CREB3L2: variants seen among roughly 807,000 people sequenced by gnomAD.
The protein encoded by CREB3L2 is cyclic AMP-responsive element-binding protein 3-like protein 2.
A neutral mutation model predicts 57.2 loss-of-function variants in CREB3L2; 23 were observed. The observed-to-expected ratio is 0.40, with a 90% CI of 0.29 to 0.57. CREB3L2 has a LOEUF of 0.57. CREB3L2 is among the 20% of genes least tolerant of loss of function. The pLI, the probability that CREB3L2 is intolerant of heterozygous loss-of-function variation, is 0.42. For missense variants in CREB3L2, 628 were observed against 634.7 expected (o/e 0.99, Z 0.11); for synonymous variants, 268 against 265.1 (o/e 1.01, Z -0.11).
chr7:137,989,400 G>A (rs1801847154), intron 1 of CREB3L2, among the ~76,000 whole-genome samples: 1 of 148,848 alleles, frequency 6.7e-6, no homozygotes, highest in Non-Finnish European at 1.5e-5. Context: ...CTATTTTGGA[G>A]CCTATGATGG....
intron 8 of CREB3L2, among the ~76,000 whole-genome samples, chr7:137,897,130 T>C (rs1799644524): frequency 6.6e-6 from 1 of 152,080 alleles, no homozygotes; most frequent in Admixed American, 6.6e-5. Context: ...TTATGTGGAG[T>C]GATGGATGTG....
At position 137,911,705 on chromosome 7, in the gene CREB3L2, G is replaced by A. The variant is rs1216266516; in HGVS notation, c.583+1286C>T. On this transcript the variant is annotated intron_variant, in intron 4 of 11. Coordinates refer to ENST00000330387, the MANE Select transcript of CREB3L2 (RefSeq NM_194071.4). ...ATACAAAATTTAGCTGGGCGTGGTG[G>A]TGCATGTCTGCAGTCCCCGCTACTT... 1.9e-4 allele frequency among the ~76,000 whole-genome samples: 29 copies of A among 152,188 alleles called. 1 individual carries two copies. The highest frequency in any genetic ancestry group is 2.9e-5 in the Non-Finnish European group (2 of 68,040).
At position 137,879,336 on chromosome 7, in the gene CREB3L2, G is replaced by T. The variant is rs1398194541; in HGVS notation, c.*1140C>A. 1.9e-6 allele frequency: 1 copy of T among 514,998 alleles called. No individual in the cohort carries two copies. 31.9% of individuals were successfully genotyped at this position (514,998 alleles called of 1,614,324 possible). On this transcript the variant is annotated 3_prime_UTR_variant, in exon 12 of 12. Transcript: ENST00000330387. ...AGGGGACGAGGAGGACAAAGTGGAA[G>T]TGTGGAGGGAGGAGGGGGCCAGGCA...
At chr7:137,983,392 G>C (rs1403565548) in intron 1 of CREB3L2, among the ~76,000 whole-genome samples, 1 of 152,210 alleles carries the variant, frequency 6.6e-6, no homozygotes, top group Admixed American at 6.5e-5. Context: ...AAACTTCAGA[G>C]GAAACGCTGG....
At chr7:137,944,720 C>T (rs936989082) in intron 1 of CREB3L2, among the ~76,000 whole-genome samples, 2 of 152,100 alleles carry the variant, frequency 1.3e-5, no homozygotes, top group South Asian at 2.1e-4. Flanking sequence ...GAAATGTCCA[C>T]GTCATATATC....
intron 3 of CREB3L2, among the ~76,000 whole-genome samples, chr7:137,913,616 T>C (rs922729390): frequency 6.6e-6 from 1 of 151,858 alleles, no homozygotes; most frequent in Non-Finnish European, 1.5e-5. Context: ...TTCTTTTCTA[T>C]GTTTTTATAG....
intron 1 of CREB3L2, among the ~76,000 whole-genome samples, chr7:137,991,365 C>T (rs550301533): frequency 2.0e-5 from 3 of 151,830 alleles, no homozygotes; most frequent in South Asian, 4.2e-4. Context: ...GGGATTTCAC[C>T]GTGTTAGCCA....
At chr7:137,901,073 T>C (rs1195551269) in intron 8 of CREB3L2, among the ~76,000 whole-genome samples, 1 of 152,212 alleles carries the variant, frequency 6.6e-6, no homozygotes, top group African/African-American at 2.4e-5. Flanking sequence ...TATGTGTACA[T>C]GTATGTGCAT....
chr7:137,914,957 G>A (rs894978687), intron 3 of CREB3L2, among the ~76,000 whole-genome samples: 3 of 151,928 alleles, frequency 2.0e-5, no homozygotes, highest in African/African-American at 4.8e-5. Context: ...GCAGTGCCTC[G>A]ATCTCGGCTC....
chr7:137,895,799 G>A (rs1799618085), intron 8 of CREB3L2, among the ~76,000 whole-genome samples: 1 of 152,156 alleles, frequency 6.6e-6, no homozygotes, highest in African/African-American at 2.4e-5. Flanking sequence ...TGATGAAACA[G>A]CCACTCACCT....
intron 2 of CREB3L2, chr7:137,922,504 ACAC>A (rs1445572819): frequency 1.5e-4 from 41 of 276,934 alleles, no homozygotes; most frequent in African/African-American, 7.4e-4. Flanking sequence ...ACACACACAC[ACAC>A]AATATATATA....
chr7:137,894,488 C>A (rs1053755421), intron 8 of CREB3L2, among the ~76,000 whole-genome samples: 1 of 152,166 alleles, frequency 6.6e-6, no homozygotes, highest in Non-Finnish European at 1.5e-5. Flanking sequence ...GCAGCCCTCA[C>A]AAAGAGCTGT....
chr7:137,884,803 C>A, intron 10 of CREB3L2, 192 bp downstream of exon 10: 1 of 695,048 alleles, frequency 1.4e-6, no homozygotes, highest in South Asian at 1.6e-5. Flanking sequence ...CTGGAGAATT[C>A]CCAGTGATGC....
chr7:137,912,945 G>A (rs981728776), intron 4 of CREB3L2, 46 bp downstream of exon 4: 5 of 1,609,334 alleles, frequency 3.1e-6, no homozygotes, highest in Non-Finnish European at 3.4e-6. Flanking sequence ...TGTAGACCCA[G>A]AGACCATATC....
At chr7:137,882,738 C>T (rs951694675) in intron 10 of CREB3L2, 110 bp from the exon 11 acceptor site, 42 of 706,734 alleles carry the variant, frequency 5.9e-5, no homozygotes, top group East Asian at 1.1e-4. Context: ...TGTGTGTTCT[C>T]GTTGCCCAGA....
chr7:137,918,290 A>G (rs1017582757), intron 2 of CREB3L2, among the ~76,000 whole-genome samples: 1 of 152,134 alleles, frequency 6.6e-6, no homozygotes, highest in African/African-American at 2.4e-5. Context: ...TCCCGGATTC[A>G]AGCGATTCTC....
chr7:137,883,395 C>T (rs1374955563), intron 10 of CREB3L2, among the ~76,000 whole-genome samples: 4 of 152,152 alleles, frequency 2.6e-5, no homozygotes, highest in Non-Finnish European at 4.4e-5. Context: ...TTTCAAGACC[C>T]CCAGTGGACG....
chr7:137,922,406 A>ACG (rs1800321764), intron 2 of CREB3L2, among the ~76,000 whole-genome samples: 3 of 26,212 alleles, frequency 1.1e-4, no homozygotes, highest in East Asian at 5.0e-3. Context: ...ATATATATAT[A>ACG]TATATATATG....
In CREB3L2 at chr7:137,950,617, G is replaced by A. The variant is rs554582452; in HGVS notation, c.103-22251C>T. Among the ~76,000 whole-genome samples the A allele has an allele frequency of 1.7e-4, 26 of 152,298 alleles. No homozygotes were observed. In the South Asian group the frequency reaches 4.6e-3, roughly 27 times the overall value. On this transcript the variant is annotated intron_variant, in intron 1 of 11. Transcript: ENST00000330387. ...TTACGAAGGCTCCACAAACACCAGA[G>A]TAGCAGTGTCTGTGTATGCATCCGA...
Sources: allele counts gnomAD v4.1 joint callset (sites outside exome capture counted in the v4.1 genomes callset), GRCh38; gene constraint gnomAD v4.1.1; transcripts MANE v1.5; gene names NCBI Gene and HGNC (gene_info 2026-07-23, HGNC 2026-07-21).